The following VRK2 variants were observed in gnomAD, a reference collection of about 807,000 sequenced individuals.
VRK2 encodes the protein VRK serine/threonine kinase 2, also known as serine/threonine-protein kinase VRK2.
A neutral mutation model predicts 57.6 loss-of-function variants in VRK2; 60 were observed. The observed-to-expected ratio is 1.04, with a 90% confidence interval of 0.85 to 1.29. The LOEUF is 1.29. Ranked by LOEUF, VRK2 falls within the 50% of genes most tolerant of loss-of-function variation. The probability of loss-of-function intolerance (pLI) is 0.00; values close to 1 mark genes in which losing one functional copy is unlikely to be tolerated. For synonymous variants in VRK2, 231 were observed against 199.2 expected (o/e 1.16, Z -1.35); for missense variants, 705 against 588.1 (o/e 1.20, Z -2.06).
At chr2:57,928,026 C>T (rs908223468) in intron 1 of VRK2, among the ~76,000 whole-genome samples, 2 of 152,022 alleles carry the variant, frequency 1.3e-5, no homozygotes, top group Non-Finnish European at 2.9e-5. Context: ...GGTTAAATCT[C>T]CTTGGTGTTA....
intron 1 of VRK2, among the ~76,000 whole-genome samples, chr2:57,913,948 CTATA>C (rs1670070081): frequency 2.0e-5 from 3 of 151,882 alleles, no homozygotes; most frequent in African/African-American, 7.3e-5. Flanking sequence ...ATTAGCTTGC[CTATA>C]TAAATGCCAA....
chr2:58,039,183 C>T (rs539483488), intron 3 of VRK2, among the ~76,000 whole-genome samples: 160 of 152,162 alleles, frequency 1.1e-3, no homozygotes, highest in Middle Eastern at 3.4e-3. Flanking sequence ...CCAGTTTATA[C>T]CCTCATTTTG....
intron 7 of VRK2, among the ~76,000 whole-genome samples, chr2:58,117,751 G>A (rs141195991): frequency 0.075 from 11,344 of 152,118 alleles, 463 homozygotes; most frequent in South Asian, 0.13. Context: ...GGGGTCAAGC[G>A]GCATTGCAGA....
At chr2:58,011,427 A>G (rs1254656507) in intron 1 of VRK2, among the ~76,000 whole-genome samples, 1 of 152,250 alleles carries the variant, frequency 6.6e-6, no homozygotes, top group African/African-American at 2.4e-5. Context: ...CCAGTCGGAA[A>G]GCTTCTATCC....
intron 1 of VRK2, among the ~76,000 whole-genome samples, chr2:57,937,386 A>T (rs1216615657): frequency 6.6e-6 from 1 of 152,142 alleles, no homozygotes; most frequent in East Asian, 1.9e-4. Flanking sequence ...AAAAACAAAC[A>T]GAATGAAACA....
chr2:58,071,824 T>C (rs1480586044), intron 2 of VRK2, among the ~76,000 whole-genome samples: 1 of 152,018 alleles, frequency 6.6e-6, no homozygotes, highest in African/African-American at 2.4e-5. Context: ...ACAACATAAC[T>C]TGTGTTTTTA....
chr2:58,131,355 C>T (rs148303057), intron 8 of VRK2, among the ~76,000 whole-genome samples: 9 of 151,264 alleles, frequency 5.9e-5, no homozygotes, highest in Admixed American at 1.3e-4. Flanking sequence ...ACAGGAAAGG[C>T]CATCAATGTT....
chr2:57,940,167 C>T (rs1049275103), intron 1 of VRK2, among the ~76,000 whole-genome samples: 1 of 152,134 alleles, frequency 6.6e-6, no homozygotes, highest in Middle Eastern at 3.4e-3. Context: ...ATTATGGAGG[C>T]TAAGTCCCAT....
rs1462850468 is a variant in VRK2, at chr2:58,139,892, G to C, written c.1023+60G>C. ...CTTCTATGATACTTTTCTATCGAAT[G>C]AAATTGTTTTAGGTCTCAAAATGAG... On this transcript the variant is annotated intron_variant, in intron 11 of 12. Coordinates refer to ENST00000340157, the MANE Select transcript of VRK2 (RefSeq NM_006296.7). The C allele has an allele frequency of 8.8e-6, 13 of 1,470,754 alleles. No homozygotes were observed. The Admixed American group carries it at 1.7e-4, about 19-fold the overall frequency. 91.1% of individuals were successfully genotyped at this position (1,470,754 alleles called of 1,614,324 possible).
intron 1 of VRK2, among the ~76,000 whole-genome samples, chr2:57,965,304 G>C (rs933715936): frequency 6.6e-6 from 1 of 152,178 alleles, no homozygotes; most frequent in Admixed American, 6.5e-5. Context: ...AGTTTCATGG[G>C]AAAATAGCTA....
At chr2:58,136,123 A>G (rs1679973727) in intron 10 of VRK2, among the ~76,000 whole-genome samples, 1 of 152,146 alleles carries the variant, frequency 6.6e-6, no homozygotes, top group Admixed American at 6.5e-5. Context: ...CCTTTCTTTC[A>G]CTGGAAACCA....
chr2:58,152,986 A>G (rs577016557), intron 12 of VRK2, among the ~76,000 whole-genome samples: 1 of 152,106 alleles, frequency 6.6e-6, no homozygotes, highest in African/African-American at 2.4e-5. Context: ...TATAACATGT[A>G]TGGAGTAACC....
At chr2:57,958,936 C>T (rs770537426) in intron 1 of VRK2, among the ~76,000 whole-genome samples, 1 of 152,118 alleles carries the variant, frequency 6.6e-6, no homozygotes, top group Non-Finnish European at 1.5e-5. Context: ...AGTTGACAGT[C>T]TGTAAAGTTT....
chr2:57,941,892 T>C (rs1213281201), intron 1 of VRK2, among the ~76,000 whole-genome samples: 1 of 152,242 alleles, frequency 6.6e-6, no homozygotes, highest in Non-Finnish European at 1.5e-5. Flanking sequence ...GGCAAGTACA[T>C]ATTCCCTATA....
chr2:58,004,545 G>C (rs532097910), intron 1 of VRK2, among the ~76,000 whole-genome samples: 1 of 152,172 alleles, frequency 6.6e-6, no homozygotes, highest in African/African-American at 2.4e-5. Flanking sequence ...TTAAACCTGA[G>C]CTTCAAGAAA....
chr2:57,910,126 A>C (rs924375603), intron 1 of VRK2, among the ~76,000 whole-genome samples: 1 of 151,648 alleles, frequency 6.6e-6, no homozygotes, highest in Non-Finnish European at 1.5e-5. Context: ...AAAAAAAAAA[A>C]CATTCCCATG....
intron 12 of VRK2, chr2:58,147,133 A>T: frequency 1.9e-6 from 1 of 518,046 alleles, no homozygotes; most frequent in South Asian, 1.4e-5. Flanking sequence ...CACCTTGTAT[A>T]CCCTACCTAA....
intron 1 of VRK2, among the ~76,000 whole-genome samples, chr2:57,937,496 G>A (rs967510043): frequency 1.3e-5 from 2 of 152,080 alleles, no homozygotes; most frequent in African/African-American, 4.8e-5. Context: ...TGTTGTAATT[G>A]TATTCTACTT....
intron 1 of VRK2, among the ~76,000 whole-genome samples, chr2:57,935,288 T>C (rs1558501537): frequency 6.6e-6 from 1 of 152,128 alleles, no homozygotes; most frequent in Non-Finnish European, 1.5e-5. Flanking sequence ...TCTTTTCTGT[T>C]TGTGCCATTC....
Sources: allele counts gnomAD v4.1 joint callset (sites outside exome capture counted in the v4.1 genomes callset), GRCh38; gene constraint gnomAD v4.1.1; transcripts MANE v1.5; gene names NCBI Gene and HGNC (gene_info 2026-07-23, HGNC 2026-07-21).